Variants in P2RY8 observed in about 807,000 individuals in gnomAD.
P2RY8 encodes the protein S-geranylgeranyl-glutathione receptor P2RY8.
Under a neutral mutation model 10.0 loss-of-function variants are expected in P2RY8, and 6 were observed. The observed-to-expected ratio is 0.60, with a 90% CI of 0.33 to 1.19. The LOEUF is 1.19. P2RY8 is among the 50% of genes most tolerant of loss of function. The pLI, the probability that P2RY8 is intolerant of heterozygous loss-of-function variation, is 0.04. For synonymous variants in P2RY8, 276 were observed against 252.5 expected (o/e 1.09, Z -0.88); for missense variants, 456 against 542.0 (o/e 0.84, Z 1.58).
chrX:1,476,394 G>A (rs2091873671), intron 1 of P2RY8, among the ~76,000 whole-genome samples: 1 of 151,714 alleles, frequency 6.6e-6, no homozygotes, highest in Non-Finnish European at 1.5e-5. Flanking sequence ...GGCTAACACG[G>A]TGAAACCCCT....
intron 1 of P2RY8, among the ~76,000 whole-genome samples, chrX:1,509,083 CTATCTATGTATCTATG>C (rs749285629): frequency 4.5e-5 from 6 of 132,750 alleles, no homozygotes; most frequent in African/African-American, 1.1e-4. Context: ...ATCTATGTAT[CTATCTATGTATCTATG>C]TATCTATCTA....
intron 1 of P2RY8, among the ~76,000 whole-genome samples, chrX:1,497,860 G>A (rs2092132746): frequency 6.6e-6 from 1 of 152,004 alleles, no homozygotes; most frequent in Non-Finnish European, 1.5e-5. Flanking sequence ...TGTCAGACCT[G>A]CAGCCTAGCG....
At chrX:1,496,096 C>T (rs1278084266) in intron 1 of P2RY8, among the ~76,000 whole-genome samples, 1 of 152,166 alleles carries the variant, frequency 6.6e-6, no homozygotes, top group African/African-American at 2.4e-5. Context: ...TTTATTACGG[C>T]GGCCGAGCTG....
At chrX:1,535,761 C>G (rs2092521712) in intron 1 of P2RY8, among the ~76,000 whole-genome samples, 1 of 148,762 alleles carries the variant, frequency 6.7e-6, no homozygotes, top group Non-Finnish European at 1.5e-5. Flanking sequence ...AAACCCTTTT[C>G]TTTTTGGGAA....
chrX:1,508,826 C>T (rs1353840175), intron 1 of P2RY8, among the ~76,000 whole-genome samples: 2 of 144,476 alleles, frequency 1.4e-5, no homozygotes, highest in East Asian at 4.1e-4. Flanking sequence ...TCTATGCATC[C>T]ATCCATCCAT....
chrX:1,476,955 G>A (rs1262736070), intron 1 of P2RY8, among the ~76,000 whole-genome samples: 6 of 152,114 alleles, frequency 3.9e-5, no homozygotes, highest in South Asian at 2.1e-4. Flanking sequence ...TTGGGAGGCC[G>A]AGGTGGGTGG....
chrX:1,480,287 CTTTT>C (rs1426128647), intron 1 of P2RY8, among the ~76,000 whole-genome samples: 1 of 131,304 alleles, frequency 7.6e-6, no homozygotes, highest in Non-Finnish European at 1.7e-5. Flanking sequence ...ATGTTTCTTT[CTTTT>C]CTTTCTTTTT....
rs749271833 is a variant in P2RY8, at chrX:1,509,668, T to TCATCCATC, written c.-25+27245_-25+27252dup. 7.9e-3 allele frequency among the ~76,000 whole-genome samples: 974 copies of TCATCCATC among 122,618 alleles called. 5 individuals are homozygous for TCATCCATC. Among genetic ancestry groups the TCATCCATC allele is most frequent in the African/African-American group, 9.0e-3 (258 of 28,794 alleles). 80.4% of individuals were successfully genotyped at this position (122,618 alleles called of 152,430 possible). On this transcript the variant is annotated intron_variant, in intron 1 of 1. Transcript: ENST00000381297. ...ATCCATCTGTCTATCCTGTATGTGT[T>TCATCCATC]CATCCATCCATCCATCCATCCATCC... is the stretch of plus-strand genomic sequence containing the variant.
chrX:1,534,051 CAT>C (rs1331800123), intron 1 of P2RY8, among the ~76,000 whole-genome samples: 3 of 121,184 alleles, frequency 2.5e-5, no homozygotes, highest in Non-Finnish European at 4.8e-5. Flanking sequence ...TTATTATTTA[CAT>C]ATATATTTGT....
intron 1 of P2RY8, among the ~76,000 whole-genome samples, chrX:1,515,975 G>C (rs1388881296): frequency 9.9e-5 from 14 of 141,800 alleles, no homozygotes; most frequent in South Asian, 2.6e-4. Context: ...CTGAGGTCAG[G>C]AGTTCGAGAC....
chrX:1,498,472 C>G (rs187406255), intron 1 of P2RY8, among the ~76,000 whole-genome samples: 2 of 150,728 alleles, frequency 1.3e-5, no homozygotes, highest in East Asian at 3.9e-4. Flanking sequence ...GGTTACAGCC[C>G]ACAAGAGGTG....
chrX:1,523,399 A>G (rs1300528524), intron 1 of P2RY8, among the ~76,000 whole-genome samples: 2 of 152,092 alleles, frequency 1.3e-5, no homozygotes, highest in African/African-American at 2.4e-5. Context: ...CTGGTCCCCA[A>G]TATTCTCTGA....
chrX:1,529,459 T>A (rs2092459187), intron 1 of P2RY8, among the ~76,000 whole-genome samples: 1 of 152,026 alleles, frequency 6.6e-6, no homozygotes, highest in South Asian at 2.1e-4. Context: ...CCAGTGGGGA[T>A]GCTTGTCTAT....
At chrX:1,491,927 T>C (rs1303552685) in intron 1 of P2RY8, among the ~76,000 whole-genome samples, 3 of 151,722 alleles carry the variant, frequency 2.0e-5, no homozygotes, top group Non-Finnish European at 2.9e-5. Context: ...GAATGCAGAG[T>C]GAATGAGTGA....
In P2RY8 at chrX:1,466,317, T is replaced by A; in HGVS notation, c.242A>T (p.Tyr81Phe). 6.2e-7 allele frequency: 1 copy of A among 1,613,700 alleles called. No individual in the cohort carries two copies. Among genetic ancestry groups the A allele is most frequent in the Non-Finnish European group, 8.5e-7 (1 of 1,179,818 alleles). ...MLASVLPFQI[Y>F]YHCNRHHWVF... ...CCAGTGGTGGCGGTTGCAATGGTAG[T>A]AGATTTGGAAAGGCAACACGCTGGC... Residue 81 changes from tyrosine (Y) to phenylalanine (F), a missense_variant, in exon 2 of 2, where the codon TAC (tyrosine) becomes TTC (phenylalanine). Transcript: ENST00000381297.
chrX:1,464,678 G>T lies in P2RY8; in HGVS notation c.*801C>A. 8.6e-6 allele frequency: 2 copies of T among 233,250 alleles called. No homozygotes were observed. Among genetic ancestry groups the T allele is most frequent in the Middle Eastern group, 1.3e-3 (1 of 786 alleles). The allele number at this position is 233,250 out of a possible 1,614,324, so 14.4% of individuals were successfully genotyped here. On this transcript the variant is annotated 3_prime_UTR_variant, in exon 2 of 2. Coordinates refer to ENST00000381297, the MANE Select transcript of P2RY8 (RefSeq NM_178129.5). ...CCTGAGTGTGTTCCAGGGGCCTGAT[G>T]GGACCTCCTTCTCTATCAGGGACTC... is the stretch of plus-strand genomic sequence containing the variant.
intron 1 of P2RY8, among the ~76,000 whole-genome samples, chrX:1,470,218 C>CAAAG (rs777763525): frequency 3.4e-4 from 51 of 149,600 alleles, no homozygotes; most frequent in African/African-American, 1.3e-3. Context: ...AACAAACAAA[C>CAAAG]AAAAACAAAT....
At chrX:1,535,716 G>GACACACAGACACACACACACAC (rs1556688266) in intron 1 of P2RY8, among the ~76,000 whole-genome samples, 4 of 146,202 alleles carry the variant, frequency 2.7e-5, no homozygotes, top group Non-Finnish European at 4.5e-5. Flanking sequence ...CACACACACA[G>GACACACAGACACACACACACAC]ACACACACAC....
At chrX:1,513,933 C>T (rs2092319180) in intron 1 of P2RY8, among the ~76,000 whole-genome samples, 2 of 152,196 alleles carry the variant, frequency 1.3e-5, no homozygotes. Context: ...CACCCTAATC[C>T]AGGATGATCT....
Sources: gnomAD v4.1 joint callset for allele counts (sites outside exome capture counted in the v4.1 genomes callset) on GRCh38, gnomAD v4.1.1 for gene constraint, MANE v1.5 for transcripts, NCBI Gene and HGNC (gene_info 2026-07-23, HGNC 2026-07-21) for gene names.